RSRC1: variants seen among roughly 807,000 people sequenced by gnomAD.
The protein encoded by RSRC1 is serine/Arginine-related protein 53.
A neutral mutation model predicts 49.1 loss-of-function variants in RSRC1; 39 were observed. That is an observed-to-expected ratio of 0.79 (90% confidence interval 0.61 to 1.04). The LOEUF is 1.04. Among genes scored for constraint, RSRC1 ranks in the 50% least tolerant of loss-of-function variants. RSRC1 has a pLI of 0.00. For synonymous variants in RSRC1, 143 were observed against 130.8 expected (o/e 1.09, Z -0.63); for missense variants, 388 against 402.4 (o/e 0.96, Z 0.31).
chr3:158,430,008 A>T (rs556652759), intron 6 of RSRC1, among the ~76,000 whole-genome samples: 1 of 151,788 alleles, frequency 6.6e-6, no homozygotes, highest in Non-Finnish European at 1.5e-5. Flanking sequence ...GTAGCTTTAA[A>T]ATTTTAAGAA....
At chr3:158,171,459 A>T (rs1559928166) in intron 3 of RSRC1, among the ~76,000 whole-genome samples, 1 of 152,230 alleles carries the variant, frequency 6.6e-6, no homozygotes, top group East Asian at 1.9e-4. Context: ...TAAAGTAGCT[A>T]TTACAAGTGT....
chr3:158,279,453 C>T (rs1035313748), intron 4 of RSRC1, among the ~76,000 whole-genome samples: 1 of 152,142 alleles, frequency 6.6e-6, no homozygotes, highest in Non-Finnish European at 1.5e-5. Flanking sequence ...ATGTTCTGTA[C>T]AAAAACAGGA....
In RSRC1 at chr3:158,372,078, G is replaced by T. The variant is rs115540833; in HGVS notation, c.583+17170G>T. On this transcript the variant is annotated intron_variant, in intron 6 of 9. Coordinates refer to ENST00000611884, the MANE Select transcript of RSRC1 (RefSeq NM_001271838.2). The stretch of plus-strand genomic sequence containing the variant: ...TTGTATATTCTGAGTAAAAGTTCAT[G>T]ATCAAATATGTTATTTGCAAGTATT... Among the ~76,000 whole-genome samples, 1,420 of 148,812 alleles carry T rather than the reference G, an allele frequency of 9.5e-3. 21 individuals are homozygous for T. Among genetic ancestry groups the T allele is most frequent in the African/African-American group, 0.033 (1,357 of 41,236 alleles).
At chr3:158,331,797 A>AT (rs902161046) in intron 5 of RSRC1, among the ~76,000 whole-genome samples, 2 of 148,058 alleles carry the variant, frequency 1.4e-5, no homozygotes, top group Middle Eastern at 3.6e-3. Flanking sequence ...AAGATTACAT[A>AT]TTTTTTTTCA....
intron 4 of RSRC1, among the ~76,000 whole-genome samples, chr3:158,290,281 GT>G: frequency 6.6e-6 from 1 of 151,938 alleles, no homozygotes; most frequent in Non-Finnish European, 1.5e-5. Context: ...GTTGTGTTTT[GT>G]TTTGTTTTGA....
At chr3:158,500,199 A>G (rs1030325513) in intron 7 of RSRC1, among the ~76,000 whole-genome samples, 32 of 152,308 alleles carry the variant, frequency 2.1e-4, no homozygotes, top group African/African-American at 6.7e-4. Flanking sequence ...CTATCCCTGC[A>G]TCCCTCATAT....
intron 7 of RSRC1, among the ~76,000 whole-genome samples, chr3:158,487,949 G>GAAAAAAAAAAAAAAAAAAA (rs58689210): frequency 6.9e-5 from 2 of 28,920 alleles, no homozygotes; most frequent in African/African-American, 1.3e-4. Flanking sequence ...TCCATCTCAA[G>GAAAAAAAAAAAAAAAAAAA]AAAAAAAAAA....
intron 3 of RSRC1, among the ~76,000 whole-genome samples, chr3:158,175,656 GT>G (rs1207048518): frequency 1.3e-5 from 2 of 151,882 alleles, no homozygotes; most frequent in Non-Finnish European, 2.9e-5. Context: ...CCAATTCCAC[GT>G]TGCCCTACTT....
At chr3:158,532,788 C>T (rs576526862) in intron 7 of RSRC1, among the ~76,000 whole-genome samples, 2 of 151,772 alleles carry the variant, frequency 1.3e-5, no homozygotes, top group East Asian at 3.9e-4. Context: ...TGGTGTGTTT[C>T]CTTCATGTTT....
At chr3:158,316,402 C>T (rs1251990898) in intron 5 of RSRC1, among the ~76,000 whole-genome samples, 1 of 150,002 alleles carries the variant, frequency 6.7e-6, no homozygotes, top group African/African-American at 2.5e-5. Context: ...CATTTTTCCA[C>T]CTGCTTTTTC....
At chr3:158,129,228 G>T (rs890325876) in intron 3 of RSRC1, among the ~76,000 whole-genome samples, 1 of 149,604 alleles carries the variant, frequency 6.7e-6, no homozygotes, top group African/African-American at 2.4e-5. Context: ...TATCATATGA[G>T]ATAGGGGGTT....
At chr3:158,399,649 G>A (rs73017473) in intron 6 of RSRC1, among the ~76,000 whole-genome samples, 11,364 of 152,132 alleles carry the variant, frequency 0.075, 1,469 homozygotes, top group African/African-American at 0.26. Flanking sequence ...CAAGTGTTCA[G>A]TAACTACATT....
chr3:158,268,800 CTT>C (rs1725348466), intron 4 of RSRC1, among the ~76,000 whole-genome samples: 1 of 152,136 alleles, frequency 6.6e-6, no homozygotes, highest in Admixed American at 6.5e-5. Flanking sequence ...GATACTGTGA[CTT>C]GAGATAATTT....
intron 5 of RSRC1, among the ~76,000 whole-genome samples, chr3:158,311,441 A>T (rs973622765): frequency 6.6e-6 from 1 of 152,036 alleles, no homozygotes. Flanking sequence ...ATTTAGATTT[A>T]AAAATTAATA....
chr3:158,117,791 T>A lies in RSRC1; in HGVS notation c.-2-4312T>A, dbSNP rs754423741. 1.4e-3 allele frequency among the ~76,000 whole-genome samples: 213 copies of A among 152,310 alleles called. 1 individual carries two copies. Among genetic ancestry groups the A allele is most frequent in the Non-Finnish European group, 2.1e-3 (145 of 68,028 alleles). ...ACCGGCTTATGCCATTATGCTGAGC[T>A]TTTCTATTCTTTTTTTTTTATAGAA... On this transcript the variant is annotated intron_variant, in intron 1 of 9. Coordinates refer to ENST00000611884, the MANE Select transcript of RSRC1 (RefSeq NM_001271838.2).
intron 5 of RSRC1, among the ~76,000 whole-genome samples, chr3:158,348,090 T>A (rs1295567846): frequency 6.6e-6 from 1 of 152,190 alleles, no homozygotes; most frequent in South Asian, 2.1e-4. Context: ...ATTGCACATC[T>A]AATTTTGTTT....
chr3:158,235,845 C>T (rs755070910), intron 4 of RSRC1, among the ~76,000 whole-genome samples: 6 of 152,122 alleles, frequency 3.9e-5, no homozygotes, highest in Non-Finnish European at 8.8e-5. Flanking sequence ...AGGCCAGGGG[C>T]GGTGGCTCAT....
intron 1 of RSRC1, among the ~76,000 whole-genome samples, chr3:158,121,312 G>A (rs1715244341): frequency 6.6e-6 from 1 of 151,962 alleles, no homozygotes; most frequent in Non-Finnish European, 1.5e-5. Context: ...AAATATATAT[G>A]TTTGTGTGTA....
intron 6 of RSRC1, among the ~76,000 whole-genome samples, chr3:158,371,949 A>G (rs1341155079): frequency 6.6e-6 from 1 of 151,748 alleles, no homozygotes; most frequent in Non-Finnish European, 1.5e-5. Flanking sequence ...CATTTGCCTC[A>G]TGGTGAATGA....
Sources: gnomAD v4.1 joint callset for allele counts (sites outside exome capture counted in the v4.1 genomes callset) on GRCh38, gnomAD v4.1.1 for gene constraint, MANE v1.5 for transcripts, NCBI Gene and HGNC (gene_info 2026-07-23, HGNC 2026-07-21) for gene names.